Variants in MCL1 observed in about 807,000 individuals in gnomAD.
MCL1 encodes the protein MCL1 apoptosis regulator, BCL2 family member, also known as induced myeloid leukemia cell differentiation protein Mcl-1.
MCL1 carries 4 observed loss-of-function variants against 24.2 expected under a neutral mutation model. The observed-to-expected ratio is 0.17, with a 90% CI of 0.08 to 0.38. The LOEUF (loss-of-function observed/expected upper bound fraction) is 0.38, where lower values mean the gene tolerates loss of function less well. Among genes scored for constraint, MCL1 ranks in the 10% least tolerant of loss-of-function variants. The probability of loss-of-function intolerance (pLI) is 1.00; values close to 1 mark genes in which losing one functional copy is unlikely to be tolerated. For synonymous variants in MCL1, 248 were observed against 214.0 expected (o/e 1.16, Z -1.39); for missense variants, 529 against 480.3 (o/e 1.10, Z -0.95).
chr1:150,579,165 G>C lies in MCL1; in HGVS notation c.366C>G (p.Pro122=), dbSNP rs145728752. The C allele has an allele frequency of 1.2e-6, 2 of 1,609,698 alleles. No homozygotes were observed. Among genetic ancestry groups the C allele is most frequent in the South Asian group, 1.1e-5 (1 of 91,032 alleles). Residue 122 remains proline, a synonymous_variant, in exon 1 of 3, where the codon CCC becomes CCG. Coordinates refer to ENST00000369026, the MANE Select transcript of MCL1 (RefSeq NM_021960.5). ...GCTCGTACCCGTCCAGCTCCTCTTC[G>C]GGCGACATGATGGCGTCAGCGGCCG... is the stretch of plus-strand genomic sequence containing the variant. ...EAPAADAIMS[P]EEELDGYEPE... is the part of the protein sequence containing the mutation.
At chr1:150,578,003 A>G (rs1647885338) in intron 2 of MCL1, among the ~76,000 whole-genome samples, 1 of 152,148 alleles carries the variant, frequency 6.6e-6, no homozygotes, top group Non-Finnish European at 1.5e-5. Context: ...AGAGTATTCA[A>G]CTGAATTGGA....
rs756166995 is a variant in MCL1, at chr1:150,576,546, G to C, written c.*829C>G. 12 of 232,466 alleles carry C rather than the reference G, an allele frequency of 5.2e-5. No individual in the cohort carries two copies. Among genetic ancestry groups the C allele is most frequent in the Non-Finnish European group, 1.0e-4 (12 of 117,438 alleles). The allele number at this position is 232,466 out of a possible 1,614,324, so 14.4% of individuals were successfully genotyped here. On this transcript the variant is annotated 3_prime_UTR_variant, in exon 3 of 3. Transcript: ENST00000369026. ...ACACTCTAGAACTGAACAGAACAAA[G>C]TTTAGCATAGAAAAGCTGTAAGAAA...
chr1:150,578,532 T>A (rs1255585473), intron 1 of MCL1, 41 bp from the exon 2 acceptor site: 1 of 1,604,712 alleles, frequency 6.2e-7, no homozygotes, highest in Non-Finnish European at 8.5e-7. Context: ...GCCTCCTTTG[T>A]CTAAACCGGC....
chr1:150,578,969 C>G lies in MCL1; in HGVS notation c.562G>C (p.Glu188Gln). The change falls in exon 1 of 3, where the codon GAG (glutamate) becomes CAG (glutamine). Residue 188 changes from glutamate (E) to glutamine (Q), a missense_variant. Coordinates refer to ENST00000369026, the MANE Select transcript of MCL1 (RefSeq NM_021960.5). Reference protein sequence around the residue: ...SLEIISRYLREQATGAKDTKP... With the variant: ...SLEIISRYLRQQATGAKDTKP... Reference sequence around the variant, plus strand: ...GTGTCCTTGGCGCCGGTGGCCTGCTCCCGAAGGTACCGAGAGATAATCTCC... The same window carrying G: ...GTGTCCTTGGCGCCGGTGGCCTGCTGCCGAAGGTACCGAGAGATAATCTCC... 2 of 1,613,662 alleles carry G rather than the reference C, an allele frequency of 1.2e-6. No homozygotes were observed. Among genetic ancestry groups the G allele is most frequent in the Non-Finnish European group, 8.5e-7 (1 of 1,180,030 alleles).
chr1:150,579,586 C>A lies in MCL1; in HGVS notation c.-56G>T. The A allele has an allele frequency of 6.5e-7, 1 of 1,534,962 alleles. No homozygotes were observed. ...AACTGGGGAAGACCCCGACTCCTTA[C>A]TGGAAGGAAGCGGAAGTGAGAAGTG... On this transcript the variant is annotated 5_prime_UTR_variant, in exon 1 of 3. Transcript: ENST00000369026.
chr1:150,578,288 G>A lies in MCL1; in HGVS notation c.892C>T (p.Leu298Phe). The part of the protein sequence containing the change: ...EPLAESITDV[L>F]VRTKRDWLVK... ...AGCCAGTCCCGTTTTGTCCTTACGA[G>A]AACGTCTGTGATACTTTCTGCTAAT... Residue 298 changes from leucine to phenylalanine, a missense_variant, in exon 2 of 3, where the codon CTC becomes TTC. Coordinates refer to ENST00000369026, the MANE Select transcript of MCL1 (RefSeq NM_021960.5). 6.2e-7 allele frequency: 1 copy of A among 1,614,134 alleles called. No homozygotes were observed. Among genetic ancestry groups the A allele is most frequent in the Non-Finnish European group, 8.5e-7 (1 of 1,180,010 alleles).
chr1:150,576,757 C>T lies in MCL1; in HGVS notation c.*618G>A, dbSNP rs145589907. 4.3e-5 allele frequency: 10 copies of T among 232,352 alleles called. No homozygotes were observed. The highest frequency in any genetic ancestry group is 3.7e-4 in the East Asian group (6 of 16,324). The allele number at this position is 232,352 out of a possible 1,614,324, so 14.4% of individuals were successfully genotyped here. On this transcript the variant is annotated 3_prime_UTR_variant, in exon 3 of 3. Coordinates refer to ENST00000369026, the MANE Select transcript of MCL1 (RefSeq NM_021960.5). Reference sequence around the variant, plus strand: ...ATTCATAACTAATTACTGAGCCTTCCGTCAAGTATTATTGGTGATAAACTA... The same window carrying T: ...ATTCATAACTAATTACTGAGCCTTCTGTCAAGTATTATTGGTGATAAACTA...
Position 150,579,214 on chromosome 1 carries a change from G to A in MCL1, c.317C>T (p.Ala106Val), listed in dbSNP as rs1190469700. The change falls in exon 1 of 3, where the codon GCG (alanine) becomes GTG (valine). Residue 106 changes from alanine to valine, a missense_variant. Transcript: ENST00000369026. ...CGGGGCTTCCATCTCCTCAAGCGGC[G>A]CCGCGCGGCGGGTGGGCGCGAAGAA... is the stretch of plus-strand genomic sequence containing the variant. Reference protein sequence around the residue: ...LLFFAPTRRAAPLEEMEAPAA... With the variant: ...LLFFAPTRRAVPLEEMEAPAA... 1.9e-6 allele frequency: 3 copies of A among 1,574,974 alleles called. No individual in the cohort carries two copies. The highest frequency in any genetic ancestry group is 1.8e-5 in the Admixed American group (1 of 54,524).
In MCL1 at chr1:150,575,564, G is replaced by A. The variant is rs1048925634; in HGVS notation, c.*1811C>T. 2 of 232,944 alleles carry A rather than the reference G, an allele frequency of 8.6e-6. No individual in the cohort carries two copies. The highest frequency in any genetic ancestry group is 2.2e-5 in the African/African-American group (1 of 45,308). The allele number at this position is 232,944 out of a possible 1,614,324, so 14.4% of individuals were successfully genotyped here. A position where few individuals can be genotyped will look rare whatever the true frequency, so the allele number is the denominator to read the frequency against. On this transcript the variant is annotated 3_prime_UTR_variant, in exon 3 of 3. Coordinates refer to ENST00000369026, the MANE Select transcript of MCL1 (RefSeq NM_021960.5). ...TTTTGACACATTGCCCCCAAAGACA[G>A]GATAAAACAATAGTTGAAAAGATAC...
Position 150,577,261 on chromosome 1 carries a change from G to A in MCL1, c.*114C>T, listed in dbSNP as rs938732842. On this transcript the variant is annotated 3_prime_UTR_variant, in exon 3 of 3. Transcript: ENST00000369026. ...AATCCTCTTGCCACTTGCTTTTCTG[G>A]CTAGGTTGCTAGGGTGCAACTCTAG... is the stretch of plus-strand genomic sequence containing the variant. 66 of 1,357,486 alleles carry A rather than the reference G, an allele frequency of 4.9e-5. No individual in the cohort carries two copies. Among genetic ancestry groups the A allele is most frequent in the Admixed American group, 1.2e-4 (5 of 41,378 alleles). The allele number at this position is 1,357,486 out of a possible 1,614,324, so 84.1% of individuals were successfully genotyped here.
chr1:150,577,913 A>G (rs766739682), intron 2 of MCL1, among the ~76,000 whole-genome samples: 22 of 152,156 alleles, frequency 1.4e-4, no homozygotes, highest in Non-Finnish European at 2.8e-4. Flanking sequence ...TATCTTCTCC[A>G]TTAAAACAGG....
In MCL1 at chr1:150,578,499, A is replaced by G. The variant is rs1647911864; in HGVS notation, c.689-8T>C. On this transcript the variant is annotated splice_region_variant and splice_polypyrimidine_tract_variant and intron_variant, in intron 1 of 2. Transcript: ENST00000369026. ...CCAGTTTCCGAAGCATGCCTGAGAA[A>G]GAAAAGCATGCAGGTCCTCACGGCC... 3 of 1,613,816 alleles carry G rather than the reference A, an allele frequency of 1.9e-6. No individual in the cohort carries two copies. The highest frequency in any genetic ancestry group is 2.2e-5 in the East Asian group (1 of 44,876).
rs1647820115 is a variant in MCL1 at position 150,576,685 on chromosome 1, T to C, written c.*690A>G. On this transcript the variant is annotated 3_prime_UTR_variant, in exon 3 of 3. Transcript: ENST00000369026. ...GACTTTCTGTAAAAATATATACAATTTTTACAAATACATTTACAAGCTGTC... is the reference window on the plus strand; with the variant it reads ...GACTTTCTGTAAAAATATATACAATCTTTACAAATACATTTACAAGCTGTC... 1 of 232,250 alleles carries C rather than the reference T, an allele frequency of 4.3e-6. No homozygotes were observed. Among genetic ancestry groups the C allele is most frequent in the African/African-American group, 2.2e-5 (1 of 45,276 alleles). The allele number at this position is 232,250 out of a possible 1,614,324, so 14.4% of individuals were successfully genotyped here.
chr1:150,577,949 A>G (rs1647883260), intron 2 of MCL1, among the ~76,000 whole-genome samples: 1 of 152,098 alleles, frequency 6.6e-6, no homozygotes, highest in Non-Finnish European at 1.5e-5. Context: ...TATTTCAGCT[A>G]TCCTCCCCTG....
At position 150,576,371 on chromosome 1, in the gene MCL1, C is replaced by G; in HGVS notation, c.*1004G>C. On this transcript the variant is annotated 3_prime_UTR_variant, in exon 3 of 3. Transcript: ENST00000369026. ...TGCATATAATGAAGTGAAAGAATTT[C>G]CATTCATCAACCTCTCAATCCCAGG... 1 of 230,910 alleles carries G rather than the reference C, an allele frequency of 4.3e-6. No homozygotes were observed. The highest frequency in any genetic ancestry group is 6.2e-5 in the East Asian group (1 of 16,252). The allele number at this position is 230,910 out of a possible 1,614,324, so 14.3% of individuals were successfully genotyped here. A position where few individuals can be genotyped will look rare whatever the true frequency, so the allele number is the denominator to read the frequency against.
In MCL1 at chr1:150,577,127, T is replaced by A. The variant is rs1647841398; in HGVS notation, c.*248A>T. On this transcript the variant is annotated 3_prime_UTR_variant, in exon 3 of 3. Coordinates refer to ENST00000369026, the MANE Select transcript of MCL1 (RefSeq NM_021960.5). ...AAATCTAAAAGTCCTCCTCCATAGC[T>A]TCCCAAACAAAGTTTGTTTGTTGCT... The A allele has an allele frequency of 2.3e-6, 1 of 428,406 alleles. No homozygotes were observed. Among genetic ancestry groups the A allele is most frequent in the East Asian group, 3.6e-5 (1 of 27,438 alleles). 26.5% of individuals were successfully genotyped at this position (428,406 alleles called of 1,614,324 possible).
chr1:150,577,227 G>A lies in MCL1; in HGVS notation c.*148C>T. On this transcript the variant is annotated 3_prime_UTR_variant, in exon 3 of 3. Transcript: ENST00000369026. ...GCACTCTTCCCATGTATTTATTCTT[G>A]TTAGCCATAATCCTCTTGCCACTTG... The A allele has an allele frequency of 1.0e-6, 1 of 957,818 alleles. No individual in the cohort carries two copies. The highest frequency in any genetic ancestry group is 1.5e-6 in the Non-Finnish European group (1 of 646,410). The allele number at this position is 957,818 out of a possible 1,614,324, so 59.3% of individuals were successfully genotyped here.
Position 150,577,439 on chromosome 1 carries a change from T to C in MCL1, c.989A>G (p.Asn330Ser). 5 of 1,613,946 alleles carry C rather than the reference T, an allele frequency of 3.1e-6. No individual in the cohort carries two copies. Among genetic ancestry groups the C allele is most frequent in the Non-Finnish European group, 4.2e-6 (5 of 1,179,942 alleles). The change falls in exon 3 of 3, where the codon AAT (asparagine) becomes AGT (serine). Residue 330 changes from asparagine (N) to serine (S), a missense_variant. Physicochemically the swap from Asn to Ser is conservative, Grantham distance 46. Coordinates refer to ENST00000369026, the MANE Select transcript of MCL1 (RefSeq NM_021960.5). The stretch of plus-strand genomic sequence containing the variant: ...AACACCTGCAAAAGCCAGCAGCACA[T>C]TCCTGATGCCACCTTCTAGGTCCTC... ...HVEDLEGGIR[N>S]VLLAFAGVAG...
chr1:150,578,181 C>T (rs2101695158), intron 2 of MCL1, 63 bp downstream of exon 2: 10 of 1,561,126 alleles, frequency 6.4e-6, no homozygotes, highest in Non-Finnish European at 7.8e-6. Context: ...CCCCACCTCT[C>T]TAAAAAAAAT....
Sources: gnomAD v4.1 joint callset for allele counts (sites outside exome capture counted in the v4.1 genomes callset) on GRCh38, gnomAD v4.1.1 for gene constraint, MANE v1.5 for transcripts, NCBI Gene and HGNC (gene_info 2026-07-23, HGNC 2026-07-21) for gene names.